Variants in CDH12 observed in about 807,000 individuals in gnomAD.
The protein encoded by CDH12 is cadherin 12, also known as cadherin-12.
A neutral mutation model predicts 74.1 loss-of-function variants in CDH12; 41 were observed. The ratio of observed to expected loss-of-function variants is 0.55; its 90% CI spans 0.43 to 0.72. CDH12 has a LOEUF of 0.72. CDH12 is among the 30% of genes least tolerant of loss of function. CDH12 has a pLI of 0.00. For missense variants in CDH12, 945 were observed against 977.2 expected (o/e 0.97, Z 0.44); for synonymous variants, 399 against 355.0 (o/e 1.12, Z -1.39).
At chr5:21,965,452 A>C (rs1367707965) in intron 6 of CDH12, among the ~76,000 whole-genome samples, 1 of 152,194 alleles carries the variant, frequency 6.6e-6, no homozygotes, top group East Asian at 1.9e-4. Flanking sequence ...ATCCCATTAC[A>C]ATGTTTTTCT....
At chr5:22,708,410 A>C (rs1315697809) in intron 1 of CDH12, among the ~76,000 whole-genome samples, 1 of 152,176 alleles carries the variant, frequency 6.6e-6, no homozygotes, top group East Asian at 1.9e-4. Flanking sequence ...GAGAAATTCT[A>C]GTAGGGATTT....
At chr5:22,190,349 T>TGTCA (rs1439312545) in intron 4 of CDH12, among the ~76,000 whole-genome samples, 1 of 92,796 alleles carries the variant, frequency 1.1e-5, no homozygotes, top group East Asian at 2.3e-4. Context: ...TGCCTCCATC[T>TGTCA]GTCTGTCTGT....
intron 2 of CDH12, among the ~76,000 whole-genome samples, chr5:22,440,057 A>G (rs1744563026): frequency 6.6e-6 from 1 of 152,118 alleles, no homozygotes; most frequent in African/African-American, 2.4e-5. Flanking sequence ...TAAAACCCAT[A>G]TCACATACAA....
At chr5:22,087,590 G>T (rs533318729) in intron 4 of CDH12, among the ~76,000 whole-genome samples, 5 of 151,922 alleles carry the variant, frequency 3.3e-5, no homozygotes, top group Non-Finnish European at 5.9e-5. Context: ...GCAGTGCGCC[G>T]CAATCATGCC....
chr5:21,904,501 C>T (rs1579939883), intron 6 of CDH12, among the ~76,000 whole-genome samples: 1 of 151,940 alleles, frequency 6.6e-6, no homozygotes, highest in African/African-American at 2.4e-5. Context: ...CGTAGTAGCT[C>T]ATGATGTCTG....
chr5:22,080,984 T>C (rs1217859110), intron 4 of CDH12, among the ~76,000 whole-genome samples: 6 of 152,090 alleles, frequency 3.9e-5, no homozygotes, highest in Non-Finnish European at 7.4e-5. Context: ...TTTCACCATG[T>C]TGGCCAGGAT....
intron 4 of CDH12, among the ~76,000 whole-genome samples, chr5:22,121,697 C>T (rs546814328): frequency 6.6e-6 from 1 of 152,094 alleles, no homozygotes; most frequent in African/African-American, 2.4e-5. Context: ...TTTGTGTATT[C>T]CTTTTTTCAT....
At chr5:22,246,089 G>C (rs1752935804) in intron 3 of CDH12, among the ~76,000 whole-genome samples, 1 of 151,876 alleles carries the variant, frequency 6.6e-6, no homozygotes, top group South Asian at 2.1e-4. Context: ...TAACCATTTA[G>C]ATTACTAACT....
At position 21,950,252 on chromosome 5, in the gene CDH12, A is replaced by G. The variant is rs553254288; in HGVS notation, c.526+24839T>C. Among the ~76,000 whole-genome samples the G allele has an allele frequency of 7.3e-4, 111 of 152,330 alleles. 2 individuals are homozygous for G. The South Asian group carries it at 0.018, about 25-fold the overall frequency. ...TTATGCTATCTCTATTTACACATAG[A>G]ATACACTATATGATGTTACACAGTG... is the stretch of plus-strand genomic sequence containing the variant. On this transcript the variant is annotated intron_variant, in intron 6 of 14. Coordinates refer to ENST00000382254, the MANE Select transcript of CDH12 (RefSeq NM_004061.5).
chr5:22,721,982 G>A (rs1743921876), intron 1 of CDH12, among the ~76,000 whole-genome samples: 1 of 152,028 alleles, frequency 6.6e-6, no homozygotes, highest in East Asian at 1.9e-4. Context: ...CCAGCCTTAG[G>A]CAGTCCCTTA....
chr5:22,485,317 G>C (rs1746543876), intron 2 of CDH12, among the ~76,000 whole-genome samples: 1 of 152,108 alleles, frequency 6.6e-6, no homozygotes, highest in Non-Finnish European at 1.5e-5. Flanking sequence ...GAGCAGTAGG[G>C]ACTGCAGGCA....
chr5:22,659,027 G>A (rs771007297), intron 1 of CDH12, among the ~76,000 whole-genome samples: 1 of 151,884 alleles, frequency 6.6e-6, no homozygotes, highest in Non-Finnish European at 1.5e-5. Flanking sequence ...GTACCCAATG[G>A]GACCATTTTC....
chr5:22,538,083 T>C (rs966778328), intron 1 of CDH12, among the ~76,000 whole-genome samples: 1 of 152,208 alleles, frequency 6.6e-6, no homozygotes, highest in African/African-American at 2.4e-5. Context: ...CAGCACATTC[T>C]ACCACCTTAG....
At chr5:21,832,929 ATATAT>A (rs1749145361) in intron 8 of CDH12, among the ~76,000 whole-genome samples, 1 of 70,222 alleles carries the variant, frequency 1.4e-5, no homozygotes, top group African/African-American at 1.1e-4. Context: ...AATATATATC[ATATAT>A]TATATATAAT....
chr5:21,940,400 C>T (rs1400050632), intron 6 of CDH12, among the ~76,000 whole-genome samples: 2 of 152,064 alleles, frequency 1.3e-5, no homozygotes, highest in Admixed American at 6.6e-5. Flanking sequence ...GCAAAAATAT[C>T]ATTTTATAAT....
intron 1 of CDH12, among the ~76,000 whole-genome samples, chr5:22,571,380 G>A (rs973109095): frequency 2.0e-5 from 3 of 151,842 alleles, no homozygotes; most frequent in Non-Finnish European, 4.4e-5. Flanking sequence ...AGGCTGGAGC[G>A]CAAAGGTGTG....
intron 2 of CDH12, among the ~76,000 whole-genome samples, chr5:22,466,841 T>C (rs945811795): frequency 8.4e-6 from 1 of 119,032 alleles, no homozygotes; most frequent in Admixed American, 1.3e-4. Flanking sequence ...CAGGCTGGAG[T>C]GCAATGGCGC....
chr5:21,883,547 T>G (rs1752471408), intron 6 of CDH12: 6 of 1,609,998 alleles, frequency 3.7e-6, no homozygotes, highest in Non-Finnish European at 4.3e-6. Flanking sequence ...TGGCTATTGC[T>G]ACTGGTGGTG....
At chr5:22,670,937 A>G (rs965129922) in intron 1 of CDH12, among the ~76,000 whole-genome samples, 9 of 151,952 alleles carry the variant, frequency 5.9e-5, no homozygotes, top group Middle Eastern at 3.2e-3. Flanking sequence ...TACAGGAATT[A>G]TAATACTGAA....
Sources: gnomAD v4.1 joint callset for allele counts (sites outside exome capture counted in the v4.1 genomes callset) on GRCh38, gnomAD v4.1.1 for gene constraint, MANE v1.5 for transcripts, NCBI Gene and HGNC (gene_info 2026-07-23, HGNC 2026-07-21) for gene names.